Variants in DST observed in about 807,000 individuals in gnomAD.
The protein encoded by DST is dystonin.
In DST, 253 loss-of-function variants were observed where a neutral mutation model predicts 875.2. That is an observed-to-expected ratio of 0.29 (90% CI 0.26 to 0.32). DST has a LOEUF of 0.32. Among genes scored for constraint, DST ranks in the 10% least tolerant of loss-of-function variants. DST has a pLI of 1.00. For missense variants in DST, 8,287 were observed against 9,111.6 expected, an observed-to-expected ratio of 0.91 and a Z score of 3.68; for synonymous variants, 3,124 against 3,197.1, an observed-to-expected ratio of 0.98 and a Z score of 0.77.
In DST at chr6:56,482,191, A is replaced by G; in HGVS notation, c.21403-13T>C. 1 of 1,605,576 alleles carries G rather than the reference A, an allele frequency of 6.2e-7. No homozygotes were observed. Among genetic ancestry groups the G allele is most frequent in the Non-Finnish European group, 8.5e-7 (1 of 1,173,822 alleles). On this transcript the variant is annotated splice_polypyrimidine_tract_variant and intron_variant, in intron 89 of 103. Transcript: ENST00000680361. Reference sequence around the variant, plus strand: ...GGAATTCCTCTGCCTAAGAGTTCACACACACACACACCCCAAACAAAATTC... The same window carrying G: ...GGAATTCCTCTGCCTAAGAGTTCACGCACACACACACCCCAAACAAAATTC...
intron 80 of DST, among the ~76,000 whole-genome samples, chr6:56,500,148 C>T (rs1461407688): frequency 1.3e-5 from 2 of 151,942 alleles, no homozygotes; most frequent in South Asian, 2.1e-4. Flanking sequence ...AAAAACCTAC[C>T]TTTTTAAAAA....
At chr6:56,563,507 C>A (rs78297058) in intron 55 of DST, among the ~76,000 whole-genome samples, 1 of 152,066 alleles carries the variant, frequency 6.6e-6, no homozygotes, top group African/African-American at 2.4e-5. Context: ...GGATAGGTTG[C>A]AAAATTTGTC....
chr6:56,616,283 G>A lies in DST; in HGVS notation c.4930-1799C>T, dbSNP rs766230683. The A allele has an allele frequency of 5.6e-6, 9 of 1,613,882 alleles. No homozygotes were observed. The Admixed American group carries it at 1.0e-4, about 18-fold the overall frequency. ...AATATTGAAGTGTAATCCTGTTTTA[G>A]TATCAGTCAGCATATGAGAAGAATG... On this transcript the variant is annotated intron_variant, in intron 36 of 103. Coordinates refer to ENST00000680361, the MANE Select transcript of DST (RefSeq NM_001374736.1).
intron 10 of DST, among the ~76,000 whole-genome samples, chr6:56,669,518 C>T (rs1305690188): frequency 1.3e-5 from 2 of 151,068 alleles, no homozygotes; most frequent in Non-Finnish European, 2.9e-5. Flanking sequence ...ATCGCTTGAA[C>T]CTGGGAGGTG....
At chr6:56,827,375 G>A (rs1276278956) in intron 4 of DST, among the ~76,000 whole-genome samples, 13 of 151,910 alleles carry the variant, frequency 8.6e-5, no homozygotes, top group Non-Finnish European at 1.6e-4. Flanking sequence ...TAAGCCAGGC[G>A]TGGTGGTGTG....
intron 61 of DST, among the ~76,000 whole-genome samples, chr6:56,550,547 A>T (rs2097304840): frequency 6.6e-6 from 1 of 152,322 alleles, no homozygotes; most frequent in South Asian, 2.1e-4. Flanking sequence ...AGTTCTCCAC[A>T]TGAACAGCCA....
chr6:56,815,064 G>A (rs531517080), intron 4 of DST, among the ~76,000 whole-genome samples: 11 of 152,110 alleles, frequency 7.2e-5, no homozygotes, highest in Non-Finnish European at 1.3e-4. Flanking sequence ...TGGGCAAGTC[G>A]CTTATCCTCT....
intron 2 of DST, among the ~76,000 whole-genome samples, chr6:56,908,098 T>TATATATATATATATATATACACACACAC (rs148958146): frequency 6.5e-4 from 98 of 150,594 alleles, no homozygotes; most frequent in African/African-American, 2.3e-3. Flanking sequence ...TATATATATA[T>TATATATATATATATATATACACACACAC]ACACACACAC....
intron 81 of DST, 35 bp downstream of exon 81, chr6:56,497,821 C>T (rs370027534): frequency 1.3e-6 from 2 of 1,538,446 alleles, no homozygotes; most frequent in Non-Finnish European, 1.8e-6. Context: ...GTCTTGAATG[C>T]TATAAAAACT....
intron 34 of DST, among the ~76,000 whole-genome samples, chr6:56,626,599 T>TATCC (rs1306527982): frequency 6.6e-6 from 1 of 152,178 alleles, no homozygotes; most frequent in Non-Finnish European, 1.5e-5. Context: ...TCTCGGAATA[T>TATCC]ATCCCCTTTG....
In DST at chr6:56,639,264, T is replaced by C. The variant is rs965240366; in HGVS notation, c.2959A>G (p.Ile987Val). 1.9e-6 allele frequency: 3 copies of C among 1,611,434 alleles called. No individual in the cohort carries two copies. The highest frequency in any genetic ancestry group is 1.3e-5 in the African/African-American group (1 of 74,888). ...LLENHPARLT[I>V]EAYRAAMQTQ... is the part of the protein sequence containing the mutation. ...ATTACACTTTCCAGCTTTACCTCAA[T>C]AGTTAACCGGGCTGGATGATTTTCT... Residue 987 changes from isoleucine to valine, a missense_variant, in exon 22 of 104, where the codon ATT (isoleucine) becomes GTT (valine). Physicochemically the swap from Ile to Val is conservative, Grantham distance 29. Around this residue, in one of 10 missense-constraint regions of DST, gnomAD observed 1,160 missense variants for 1,424.3 expected, o/e 0.81. Coordinates refer to ENST00000680361, the MANE Select transcript of DST (RefSeq NM_001374736.1).
chr6:56,660,487 T>A (rs769578213), intron 10 of DST, among the ~76,000 whole-genome samples: 1 of 152,074 alleles, frequency 6.6e-6, no homozygotes, highest in Non-Finnish European at 1.5e-5. Flanking sequence ...GCCTCACTTA[T>A]CCTATGATAG....
In DST at chr6:56,891,428, G is replaced by A. The variant is rs139450367; in HGVS notation, c.417+8993C>T. ...AGTTAAAATTAGCCAGGCATGAGGCGTGGTAGCGGGCACCTGTAGTCCCAG... is the reference window on the plus strand; with the variant it reads ...AGTTAAAATTAGCCAGGCATGAGGCATGGTAGCGGGCACCTGTAGTCCCAG... On this transcript the variant is annotated intron_variant, in intron 3 of 103. Transcript: ENST00000680361. 2.5e-4 allele frequency among the ~76,000 whole-genome samples: 38 copies of A among 152,098 alleles called. No individual in the cohort carries two copies. The East Asian group carries it at 6.4e-3, about 25-fold the overall frequency.
intron 3 of DST, among the ~76,000 whole-genome samples, chr6:56,882,720 T>A (rs1039163027): frequency 1.3e-5 from 2 of 152,244 alleles, no homozygotes; most frequent in African/African-American, 4.8e-5. Context: ...CAAAATTTCA[T>A]GAGCTCTGTG....
rs187001797 is a variant in DST, at chr6:56,747,828, T to G, written c.626-12539A>C. Among the ~76,000 whole-genome samples, 649 of 152,328 alleles carry G rather than the reference T, an allele frequency of 4.3e-3. 4 individuals carry two copies. The highest frequency in any genetic ancestry group is 0.011 in the Admixed American group (173 of 15,292). On this transcript the variant is annotated intron_variant, in intron 4 of 103. Coordinates refer to ENST00000680361, the MANE Select transcript of DST (RefSeq NM_001374736.1). ...TCCATTATATTATGAAGACCTTAAG[T>G]AATTTGGTGTTTTAAAGTATTCAGT...
intron 47 of DST, among the ~76,000 whole-genome samples, chr6:56,595,139 C>A (rs1159909273): frequency 6.6e-6 from 1 of 152,176 alleles, no homozygotes; most frequent in Non-Finnish European, 1.5e-5. Context: ...TAATGGCTTA[C>A]ATGGAGCCAA....
At chr6:56,779,166 G>A (rs2099686413) in intron 4 of DST, among the ~76,000 whole-genome samples, 1 of 151,986 alleles carries the variant, frequency 6.6e-6, no homozygotes, top group Admixed American at 6.6e-5. Flanking sequence ...GTGTCTTTTG[G>A]CTGCATAAAC....
intron 5 of DST, among the ~76,000 whole-genome samples, chr6:56,723,350 AG>A (rs2099429593): frequency 6.6e-6 from 1 of 152,216 alleles, no homozygotes; most frequent in Admixed American, 6.5e-5. Context: ...AGACCACCTG[AG>A]GTCAGTGGTT....
chr6:56,503,972 T>G, intron 78 of DST, 25 bp downstream of exon 78: 1 of 1,537,126 alleles, frequency 6.5e-7, no homozygotes. Flanking sequence ...AAGGGAGTCT[T>G]CGATAAATTA....
Sources: allele counts gnomAD v4.1 joint callset (sites outside exome capture counted in the v4.1 genomes callset), GRCh38; gene constraint gnomAD v4.1.1; regional missense constraint gnomAD v4.1.1; transcripts MANE v1.5; gene names NCBI Gene and HGNC (gene_info 2026-07-23, HGNC 2026-07-21).